MAMLD1: variants seen among roughly 807,000 people sequenced by gnomAD.
The protein encoded by MAMLD1 is mastermind-like domain-containing protein 1.
Under a neutral mutation model 45.0 loss-of-function variants are expected in MAMLD1, and 14 were observed. That is an observed-to-expected ratio of 0.31 (90% CI 0.21 to 0.49). MAMLD1 has a LOEUF of 0.49. MAMLD1 is among the 20% of genes least tolerant of loss of function. MAMLD1 has a pLI of 0.99. For synonymous variants in MAMLD1, 254 were observed against 247.8 expected, an observed-to-expected ratio of 1.02 and a Z score of -0.24; for missense variants, 543 against 603.6, an observed-to-expected ratio of 0.90 and a Z score of 1.05.
chrX:150,505,613 G>A (rs1165846523), intron 6 of MAMLD1, among the ~76,000 whole-genome samples: 2 of 111,713 alleles, frequency 1.8e-5, no homozygotes, highest in African/African-American at 6.5e-5. Flanking sequence ...AACGCAAAAG[G>A]GCAGGTGTTC....
chrX:150,422,733 T>C (rs1311597660), intron 1 of MAMLD1, among the ~76,000 whole-genome samples: 1 of 112,118 alleles, frequency 8.9e-6, no homozygotes, highest in African/African-American at 3.2e-5. Context: ...TTATAATCTC[T>C]AGTTTTCCCT....
chrX:150,473,597 A>G (rs112643132), intron 4 of MAMLD1, 83 bp from the exon 5 acceptor site: 19 of 996,316 alleles, frequency 1.9e-5, no homozygotes, highest in African/African-American at 7.4e-5. Flanking sequence ...GGAGATAGGC[A>G]AAGCACATAG....
At position 150,483,772 on chromosome X, in the gene MAMLD1, G is replaced by C. The variant is rs956983352; in HGVS notation, c.2040+9970G>C. Among the ~76,000 whole-genome samples, 2 of 112,537 alleles carry C rather than the reference G, an allele frequency of 1.8e-5. 1 individual carries two copies. Among genetic ancestry groups the C allele is most frequent in the East Asian group, 5.5e-4 (2 of 3,623 alleles). The stretch of plus-strand genomic sequence containing the variant: ...TGGTGGTTCTGTTGTTTCTGCTGTT[G>C]TTGTTGTTGTCGTCATTTAATGCAA... On this transcript the variant is annotated intron_variant, in intron 5 of 7. Coordinates refer to ENST00000370401, the MANE Select transcript of MAMLD1 (RefSeq NM_005491.5).
At position 150,467,338 on chromosome X, in the gene MAMLD1, C is replaced by A. The variant is rs187703559; in HGVS notation, c.172-2407C>A. ...ATGTTCCTTTGTCCATTGATTCGTT[C>A]AACTGCCATTTACTGAGCACCTGCT... On this transcript the variant is annotated intron_variant, in intron 3 of 7. Coordinates refer to ENST00000370401, the MANE Select transcript of MAMLD1 (RefSeq NM_005491.5). Among the ~76,000 whole-genome samples, 116 of 111,693 alleles carry A rather than the reference C, an allele frequency of 1.0e-3. 1 individual carries two copies. The highest frequency in any genetic ancestry group is 1.6e-3 in the Non-Finnish European group (86 of 53,119).
intron 1 of MAMLD1, among the ~76,000 whole-genome samples, chrX:150,428,725 A>G (rs987888448): frequency 8.0e-5 from 9 of 111,937 alleles, no homozygotes; most frequent in African/African-American, 2.9e-4. Flanking sequence ...TTCAACTTGG[A>G]CCAAAGTCAA....
At position 150,367,653 on chromosome X, in the gene MAMLD1, C is replaced by A. The variant is rs782146077; in HGVS notation, c.-64+4123C>A. Among the ~76,000 whole-genome samples, 12 of 111,722 alleles carry A rather than the reference C, an allele frequency of 1.1e-4. No homozygotes were observed. The East Asian group carries it at 3.1e-3, about 29-fold the overall frequency. Reference sequence around the variant, plus strand: ...ATACATGTGCCATGTTGGTGTGCTGCACCCATTAACTCGTCATTTAACATT... The same window carrying A: ...ATACATGTGCCATGTTGGTGTGCTGAACCCATTAACTCGTCATTTAACATT... On this transcript the variant is annotated intron_variant, in intron 1 of 7. Coordinates refer to ENST00000370401, the MANE Select transcript of MAMLD1 (RefSeq NM_005491.5).
At chrX:150,397,519 G>T (rs1557402301) in intron 1 of MAMLD1, among the ~76,000 whole-genome samples, 1 of 111,203 alleles carries the variant, frequency 9.0e-6, no homozygotes, top group East Asian at 2.8e-4. Flanking sequence ...CCCCTTTCAT[G>T]GTTGTTTGGG....
At chrX:150,468,060 C>T (rs2036280294) in intron 3 of MAMLD1, among the ~76,000 whole-genome samples, 1 of 112,296 alleles carries the variant, frequency 8.9e-6, no homozygotes, top group Non-Finnish European at 1.9e-5. Flanking sequence ...CTGCCTCCAC[C>T]CTTGCTCTGG....
chrX:150,454,741 C>A (rs1557405230), intron 2 of MAMLD1, among the ~76,000 whole-genome samples: 1 of 110,776 alleles, frequency 9.0e-6, no homozygotes, highest in Admixed American at 9.6e-5. Flanking sequence ...ATCACTATTG[C>A]TACCAGCACC....
intron 6 of MAMLD1, chrX:150,505,032 C>T (rs900407272): frequency 2.7e-6 from 2 of 751,560 alleles, no homozygotes; most frequent in East Asian, 1.5e-4. Context: ...CCGGCCAAGA[C>T]TGAGGAGGAG....
intron 5 of MAMLD1, among the ~76,000 whole-genome samples, chrX:150,498,555 T>C (rs1375296984): frequency 1.8e-5 from 2 of 112,448 alleles, no homozygotes; most frequent in African/African-American, 6.5e-5. Context: ...CACATGTAAC[T>C]ATTTAAATTA....
intron 2 of MAMLD1, among the ~76,000 whole-genome samples, chrX:150,456,494 G>A (rs1200589010): frequency 1.8e-5 from 2 of 111,570 alleles, no homozygotes; most frequent in Non-Finnish European, 3.8e-5. Flanking sequence ...ACTTGGATCT[G>A]AAGGTCTAGA....
At position 150,513,073 on chromosome X, in the gene MAMLD1, A is replaced by C. The variant is rs782226486; in HGVS notation, c.*1114A>C. ...TCACCCAGGATGCTGGGGCACTTTA[A>C]ATCTGAGCAGGATGCCCATAGAAAC... On this transcript the variant is annotated 3_prime_UTR_variant, in exon 8 of 8. Transcript: ENST00000370401. 3 of 1,145,273 alleles carry C rather than the reference A, an allele frequency of 2.6e-6. No homozygotes were observed. Among genetic ancestry groups the C allele is most frequent in the Non-Finnish European group, 3.5e-6 (3 of 865,410 alleles). 94.4% of individuals were successfully genotyped at this position (1,145,273 alleles called of 1,213,427 possible).
intron 1 of MAMLD1, among the ~76,000 whole-genome samples, chrX:150,370,855 C>T (rs2031927150): frequency 1.8e-5 from 2 of 112,040 alleles, no homozygotes; most frequent in Admixed American, 9.4e-5. Flanking sequence ...AGCAAGGGGC[C>T]TCCCTGGCTG....
intron 2 of MAMLD1, among the ~76,000 whole-genome samples, chrX:150,450,109 C>T (rs1043595906): frequency 2.7e-5 from 3 of 112,049 alleles, no homozygotes; most frequent in Admixed American, 1.9e-4. Context: ...AGGCCAGGCA[C>T]TGTTCTCAGT....
At chrX:150,479,744 G>A (rs1557407051) in intron 5 of MAMLD1, among the ~76,000 whole-genome samples, 2 of 111,958 alleles carry the variant, frequency 1.8e-5, no homozygotes, top group African/African-American at 3.3e-5. Context: ...CATATGGAGC[G>A]AGCAGTCCAG....
chrX:150,475,484 C>A (rs1410311682), intron 5 of MAMLD1, among the ~76,000 whole-genome samples: 2 of 112,580 alleles, frequency 1.8e-5, no homozygotes, highest in East Asian at 5.6e-4. Context: ...TATGTACAGA[C>A]CAGCATCTCT....
At chrX:150,388,672 G>A (rs1405976403) in intron 1 of MAMLD1, among the ~76,000 whole-genome samples, 2 of 111,671 alleles carry the variant, frequency 1.8e-5, no homozygotes, top group Admixed American at 9.5e-5. Flanking sequence ...TCAGATCTGT[G>A]ATATTCTCTG....
intron 3 of MAMLD1, among the ~76,000 whole-genome samples, chrX:150,469,211 T>C (rs2036323770): frequency 8.9e-6 from 1 of 112,448 alleles, no homozygotes; most frequent in Admixed American, 9.4e-5. Context: ...TTCAATTCTA[T>C]ACTATGGTAT....
Sources: gnomAD v4.1 joint callset for allele counts (sites outside exome capture counted in the v4.1 genomes callset) on GRCh38, gnomAD v4.1.1 for gene constraint, MANE v1.5 for transcripts, NCBI Gene and HGNC (gene_info 2026-07-23, HGNC 2026-07-21) for gene names.